STAT4: variants seen among roughly 807,000 people sequenced by gnomAD.
STAT4 encodes signal transducer and activator of transcription 4.
STAT4 carries 42 observed loss-of-function variants against 110.5 expected under a neutral mutation model. The ratio of observed to expected loss-of-function variants is 0.38; its 90% CI spans 0.30 to 0.49. The LOEUF is 0.49. Ranked by LOEUF, STAT4 falls within the 20% of genes least tolerant of loss-of-function variation. The pLI is 0.95. For synonymous variants in STAT4, 284 were observed against 302.2 expected, an observed-to-expected ratio of 0.94 and a Z score of 0.63; for missense variants, 632 against 887.9, an observed-to-expected ratio of 0.71 and a Z score of 3.66.
At chr2:191,070,817 G>A (rs554527532) in intron 5 of STAT4, among the ~76,000 whole-genome samples, 1 of 150,726 alleles carries the variant, frequency 6.6e-6, no homozygotes, top group South Asian at 2.1e-4. Context: ...TTGGGCAAAT[G>A]TCTTTGCATT....
At chr2:191,095,207 C>T (rs12463876) in intron 3 of STAT4, among the ~76,000 whole-genome samples, 98,252 of 151,952 alleles carry the variant, frequency 0.65, 32,058 homozygotes, top group Non-Finnish European at 0.69. Context: ...GACAGATCAA[C>T]GAGACAGGTT....
chr2:191,109,185 C>T (rs1470843899), intron 3 of STAT4, among the ~76,000 whole-genome samples: 3 of 152,120 alleles, frequency 2.0e-5, no homozygotes, highest in African/African-American at 4.8e-5. Flanking sequence ...TCCATTTCTA[C>T]AAGCGAAAAA....
In STAT4 at chr2:191,110,776, T is replaced by G. The variant is rs1698402236; in HGVS notation, c.274-34451A>C. On this transcript the variant is annotated intron_variant, in intron 3 of 23. Transcript: ENST00000392320. This position sits in a 1 kb window ranked among gnomAD's most constrained non-coding sequence, Gnocchi z 4.5. ...CATTGAATTATATTTTATTTTTAAA[T>G]TTTTGTTTGTTTGTTTGTTTGTTTT... is the stretch of plus-strand genomic sequence containing the variant. Among the ~76,000 whole-genome samples the G allele has an allele frequency of 6.6e-6, 1 of 152,104 alleles. No individual in the cohort carries two copies. Among genetic ancestry groups the G allele is most frequent in the Non-Finnish European group, 1.5e-5 (1 of 68,016 alleles).
intron 3 of STAT4, among the ~76,000 whole-genome samples, chr2:191,105,603 G>T (rs1698257826): frequency 6.6e-6 from 1 of 151,994 alleles, no homozygotes; most frequent in African/African-American, 2.4e-5. Flanking sequence ...AAAATAAAAA[G>T]CCAGTCTTCA....
intron 5 of STAT4, 56 bp downstream of exon 5, chr2:191,073,042 A>T: frequency 6.8e-7 from 1 of 1,461,468 alleles, no homozygotes; most frequent in African/African-American, 1.4e-5. Context: ...AGAATGGTGC[A>T]TAGTTATATG....
At chr2:191,133,658 T>C (rs1467298852) in intron 3 of STAT4, among the ~76,000 whole-genome samples, 2 of 151,792 alleles carry the variant, frequency 1.3e-5, no homozygotes, top group Non-Finnish European at 2.9e-5. Flanking sequence ...AAATTATGAA[T>C]ATGCACTATT....
At chr2:191,054,760 A>G (rs1696629664) in intron 13 of STAT4, among the ~76,000 whole-genome samples, 1 of 152,212 alleles carries the variant, frequency 6.6e-6, no homozygotes, top group Non-Finnish European at 1.5e-5. Context: ...TTGGCATATC[A>G]CTAAGACTTT....
At chr2:191,057,648 G>C (rs1696742109) in intron 13 of STAT4, among the ~76,000 whole-genome samples, 4 of 147,758 alleles carry the variant, frequency 2.7e-5, no homozygotes, top group Admixed American at 6.8e-5. Context: ...GCCTGGGCTG[G>C]AGTGCACTGG....
At chr2:191,115,515 C>T (rs983877832) in intron 3 of STAT4, among the ~76,000 whole-genome samples, 32 of 152,210 alleles carry the variant, frequency 2.1e-4, no homozygotes, top group African/African-American at 7.0e-4. Flanking sequence ...CTGTCAACCA[C>T]GCTTCAATGC....
intron 3 of STAT4, among the ~76,000 whole-genome samples, chr2:191,081,206 G>A (rs1013229445): frequency 2.0e-5 from 3 of 152,192 alleles, no homozygotes; most frequent in Admixed American, 6.5e-5. Context: ...ATTCCATGGT[G>A]TATATGTGCC....
chr2:191,053,162 C>T lies in STAT4; in HGVS notation c.1251+1328G>A, dbSNP rs1022902140. 5.3e-5 allele frequency among the ~76,000 whole-genome samples: 8 copies of T among 152,268 alleles called. No homozygotes were observed. The highest frequency in any genetic ancestry group is 5.2e-4 in the Admixed American group (8 of 15,302). On this transcript the variant is annotated intron_variant, in intron 14 of 23. Transcript: ENST00000392320. The surrounding 1 kb of genome is among the most constrained non-coding windows in gnomAD (Gnocchi z 4.5). ...GCTGGATTTATAAAGTGCTTTTCCT[C>T]CAAACAATTCAAAGATCTTTTTCAT...
At chr2:191,103,324 G>T (rs1358980964) in intron 3 of STAT4, among the ~76,000 whole-genome samples, 1 of 152,112 alleles carries the variant, frequency 6.6e-6, no homozygotes, top group Non-Finnish European at 1.5e-5. Context: ...TATTGATGTA[G>T]ATTTCACTCA....
Position 191,046,239 on chromosome 2 carries a change from C to G in STAT4, c.1252-5091G>C, listed in dbSNP as rs1049501798. On this transcript the variant is annotated intron_variant, in intron 14 of 23. Coordinates refer to ENST00000392320, the MANE Select transcript of STAT4 (RefSeq NM_003151.4). The surrounding 1 kb of genome is among the most constrained non-coding windows in gnomAD (Gnocchi z 4.6). ...ATTTAACCATTATCAATCAAGTTAA[C>G]AAACTGTTAACATATGTTCTAGCCT... 6.6e-6 allele frequency among the ~76,000 whole-genome samples: 1 copy of G among 152,204 alleles called. No individual in the cohort carries two copies. Among genetic ancestry groups the G allele is most frequent in the East Asian group, 1.9e-4 (1 of 5,200 alleles).
rs1696844148 is a variant in STAT4, at chr2:191,061,403, C to T, written c.1034+326G>A. Among the ~76,000 whole-genome samples the T allele has an allele frequency of 6.6e-6, 1 of 152,148 alleles. No homozygotes were observed. The highest frequency in any genetic ancestry group is 6.5e-5 in the Admixed American group (1 of 15,268). On this transcript the variant is annotated intron_variant, in intron 10 of 23. Coordinates refer to ENST00000392320, the MANE Select transcript of STAT4 (RefSeq NM_003151.4). This position sits in a 1 kb window ranked among gnomAD's most constrained non-coding sequence, Gnocchi z 6.2. ...CCATTATTTCTGTATTCTCACTCTC[C>T]TACAATCCTCCTCCCCTCTCCCAAT...
chr2:191,125,132 A>G (rs1181847983), intron 3 of STAT4, among the ~76,000 whole-genome samples: 2 of 152,256 alleles, frequency 1.3e-5, no homozygotes, highest in African/African-American at 4.8e-5. Flanking sequence ...TGACATATAA[A>G]TAATGGAAAC....
chr2:191,093,276 C>T (rs998496184), intron 3 of STAT4, among the ~76,000 whole-genome samples: 18 of 152,306 alleles, frequency 1.2e-4, no homozygotes, highest in Admixed American at 6.5e-4. Context: ...GTAGCCTAAC[C>T]GGGAGACACC....
chr2:191,076,469 A>T (rs1409532442), intron 3 of STAT4, 144 bp from the exon 4 acceptor site: 1 of 646,764 alleles, frequency 1.5e-6, no homozygotes, highest in African/African-American at 1.8e-5. Flanking sequence ...ACTCTGTTCC[A>T]TTAGAAAGTT....
intron 3 of STAT4, among the ~76,000 whole-genome samples, chr2:191,129,841 T>A (rs1256368814): frequency 1.3e-5 from 2 of 152,232 alleles, no homozygotes; most frequent in Non-Finnish European, 2.9e-5. Context: ...TATTACTTCA[T>A]GTTCTGGGTG....
intron 3 of STAT4, among the ~76,000 whole-genome samples, chr2:191,100,861 C>T (rs1001492773): frequency 2.0e-5 from 3 of 151,918 alleles, no homozygotes; most frequent in Non-Finnish European, 4.4e-5. Context: ...ACTTGACACC[C>T]TGAATCAGCA....
Sources: gnomAD v4.1 joint callset for allele counts (sites outside exome capture counted in the v4.1 genomes callset) on GRCh38, gnomAD v4.1.1 for gene constraint, Gnocchi (gnomAD v3.1) non-coding constraint, MANE v1.5 for transcripts, NCBI Gene and HGNC (gene_info 2026-07-23, HGNC 2026-07-21) for gene names.